Variants in AGBL1 observed in about 807,000 individuals in gnomAD.
AGBL1 encodes the protein AGBL carboxypeptidase 1.
Under a neutral mutation model 118.9 loss-of-function variants are expected in AGBL1, and 130 were observed. That is an observed-to-expected ratio of 1.09 (90% CI 0.95 to 1.26). AGBL1 has a LOEUF of 1.26. Ranked by LOEUF, AGBL1 falls within the 50% of genes most tolerant of loss-of-function variation. AGBL1 has a pLI of 0.00. For missense variants in AGBL1, 1,584 were observed against 1,298.1 expected, an observed-to-expected ratio of 1.22 and a Z score of -3.38; for synonymous variants, 555 against 478.9, an observed-to-expected ratio of 1.16 and a Z score of -2.08.
intron 22 of AGBL1, among the ~76,000 whole-genome samples, chr15:86,698,302 A>G (rs2086297288): frequency 6.6e-6 from 1 of 152,048 alleles, no homozygotes; most frequent in Admixed American, 6.6e-5. Context: ...TAAACAGCAC[A>G]TTCCACATGT....
At chr15:86,582,523 A>G (rs1401934716) in intron 21 of AGBL1, among the ~76,000 whole-genome samples, 1 of 152,108 alleles carries the variant, frequency 6.6e-6, no homozygotes, top group Non-Finnish European at 1.5e-5. Flanking sequence ...TATATACCCA[A>G]AGGTTATAAA....
At chr15:86,451,738 T>C (rs4243099) in intron 18 of AGBL1, among the ~76,000 whole-genome samples, 81,811 of 151,792 alleles carry the variant, frequency 0.54, 22,900 homozygotes, top group East Asian at 0.82. Flanking sequence ...CATGTCTCCC[T>C]TTTTCTCCAG....
intron 21 of AGBL1, among the ~76,000 whole-genome samples, chr15:86,622,965 G>A (rs1422417504): frequency 2.6e-5 from 4 of 152,314 alleles, no homozygotes; most frequent in Middle Eastern, 6.8e-3. Flanking sequence ...GGAGCATGCA[G>A]TGCAGCCTAG....
intron 21 of AGBL1, among the ~76,000 whole-genome samples, chr15:86,570,696 C>G (rs937553193): frequency 1.3e-5 from 2 of 152,148 alleles, no homozygotes; most frequent in African/African-American, 2.4e-5. Flanking sequence ...TTTTCAGGGT[C>G]TTTTTCAGCC....
chr15:86,512,227 T>C lies in AGBL1; in HGVS notation c.2556-10583T>C, dbSNP rs551003136. Among the ~76,000 whole-genome samples the C allele has an allele frequency of 8.9e-4, 135 of 152,036 alleles. 1 individual carries two copies. Among genetic ancestry groups the C allele is most frequent in the Middle Eastern group, 3.4e-3 (1 of 294 alleles). ...TCGCTGAGGTGTCCTCAAATTACTT[T>C]TGCAAAAATTGAAAATGTCCATATC... On this transcript the variant is annotated intron_variant, in intron 18 of 22. Transcript: ENST00000614907.
chr15:87,013,395 G>A (rs2081581230), intron 24 of AGBL1, among the ~76,000 whole-genome samples: 1 of 152,124 alleles, frequency 6.6e-6, no homozygotes, highest in Non-Finnish European at 1.5e-5. Flanking sequence ...TGTGCTCACT[G>A]GGGTCCTGGT....
At chr15:86,301,543 G>A (rs1198269296) in intron 17 of AGBL1, among the ~76,000 whole-genome samples, 5 of 151,708 alleles carry the variant, frequency 3.3e-5, no homozygotes, top group African/African-American at 1.2e-4. Flanking sequence ...TTCTTGTCTT[G>A]GGATTTCCAT....
At chr15:86,694,074 G>A (rs1455592934) in intron 22 of AGBL1, among the ~76,000 whole-genome samples, 4 of 151,940 alleles carry the variant, frequency 2.6e-5, no homozygotes, top group Admixed American at 6.6e-5. Context: ...CTTTGGCTAT[G>A]CAGGCTCTTT....
At chr15:86,124,901 G>A (rs529628958) in intron 1 of AGBL1, among the ~76,000 whole-genome samples, 87 of 152,278 alleles carry the variant, frequency 5.7e-4, no homozygotes, top group Non-Finnish European at 9.9e-4. Flanking sequence ...CAGTAAATGG[G>A]CATAAAGCTG....
At chr15:86,265,311 G>C (rs1649761958) in intron 11 of AGBL1, among the ~76,000 whole-genome samples, 1 of 152,178 alleles carries the variant, frequency 6.6e-6, no homozygotes. Context: ...CCCTGGCTTA[G>C]TTAGGAGAAT....
In AGBL1 at chr15:86,607,543, T is replaced by C. The variant is rs528032865; in HGVS notation, c.2994+53006T>C. ...TGGCATTTTGCATTCCCAGCAGCAA[T>C]GAGTGAGAGTTCCCTCTACGCCATA... On this transcript the variant is annotated intron_variant, in intron 21 of 22. Coordinates refer to ENST00000614907, the MANE Select transcript of AGBL1 (RefSeq NM_001386094.1). 4.6e-5 allele frequency among the ~76,000 whole-genome samples: 7 copies of C among 152,274 alleles called. No individual in the cohort carries two copies. The East Asian group carries it at 7.7e-4, about 17-fold the overall frequency.
intron 19 of AGBL1, among the ~76,000 whole-genome samples, chr15:86,533,520 T>C (rs1461991099): frequency 9.0e-6 from 1 of 110,638 alleles, no homozygotes; most frequent in Non-Finnish European, 1.7e-5. Context: ...GGTGGGACTG[T>C]AAACTAGTTC....
intron 22 of AGBL1, among the ~76,000 whole-genome samples, chr15:86,801,310 C>CATCTATCTATCTATCTATCTATCT (rs10629012): frequency 6.8e-6 from 1 of 147,194 alleles, no homozygotes. Flanking sequence ...TTGATGATTA[C>CATCTATCTATCTATCTATCTATCT]ATCTATCTAT....
chr15:86,684,826 C>T (rs1425543894), intron 22 of AGBL1, among the ~76,000 whole-genome samples: 1 of 152,126 alleles, frequency 6.6e-6, no homozygotes, highest in South Asian at 2.1e-4. Context: ...TACTGACACC[C>T]TCACATTCTA....
intron 18 of AGBL1, among the ~76,000 whole-genome samples, chr15:86,506,050 T>G (rs1044251974): frequency 1.3e-5 from 2 of 152,070 alleles, no homozygotes; most frequent in Non-Finnish European, 2.9e-5. Flanking sequence ...TAGACAGAGT[T>G]TCTTAGTATT....
intron 18 of AGBL1, among the ~76,000 whole-genome samples, chr15:86,482,670 T>C (rs1476868384): frequency 1.3e-5 from 2 of 152,088 alleles, no homozygotes; most frequent in East Asian, 3.9e-4. Context: ...ACAAATGAAA[T>C]GTAGTTTTAC....
chr15:86,132,746 G>A (rs1187603919), intron 1 of AGBL1, among the ~76,000 whole-genome samples: 1 of 152,194 alleles, frequency 6.6e-6, no homozygotes, highest in East Asian at 1.9e-4. Context: ...GCCGGGCATT[G>A]TTGACAAAGC....
chr15:86,645,921 A>C (rs1434215164), intron 21 of AGBL1, among the ~76,000 whole-genome samples: 1 of 152,202 alleles, frequency 6.6e-6, no homozygotes, highest in Non-Finnish European at 1.5e-5. Context: ...CAAAAGCCTC[A>C]AATTCCTCAG....
chr15:86,870,016 T>C (rs1212172861), intron 22 of AGBL1, among the ~76,000 whole-genome samples: 2 of 152,032 alleles, frequency 1.3e-5, no homozygotes, highest in Admixed American at 6.6e-5. Context: ...CAAAGTCATA[T>C]CTCCCTCCTT....
Sources: gnomAD v4.1 joint callset for allele counts (sites outside exome capture counted in the v4.1 genomes callset) on GRCh38, gnomAD v4.1.1 for gene constraint, MANE v1.5 for transcripts, NCBI Gene and HGNC (gene_info 2026-07-23, HGNC 2026-07-21) for gene names.